MROH9: variants seen among roughly 807,000 people sequenced by gnomAD.
MROH9 encodes the protein maestro heat-like repeat-containing protein family member 9.
A neutral mutation model predicts 98.2 loss-of-function variants in MROH9; 92 were observed. The ratio of observed to expected loss-of-function variants is 0.94; its 90% CI spans 0.79 to 1.11. The LOEUF (loss-of-function observed/expected upper bound fraction) is 1.11. Ranked by LOEUF, MROH9 falls within the 50% of genes most tolerant of loss-of-function variation. The pLI is 0.00. For missense variants in MROH9, 1,057 were observed against 1,014.8 expected (o/e 1.04, Z -0.57); for synonymous variants, 397 against 368.9 (o/e 1.08, Z -0.87).
chr1:170,955,724 C>T (rs1051852861), intron 3 of MROH9, among the ~76,000 whole-genome samples: 1 of 152,022 alleles, frequency 6.6e-6, no homozygotes, highest in Non-Finnish European at 1.5e-5. Flanking sequence ...AGTTCTTTGT[C>T]AGATGTATAG....
intron 9 of MROH9, among the ~76,000 whole-genome samples, chr1:170,984,011 C>T (rs1217797057): frequency 6.6e-6 from 1 of 152,082 alleles, no homozygotes; most frequent in East Asian, 1.9e-4. Context: ...ACCTCAGTAC[C>T]AAGTAAGTAG....
chr1:171,036,528 G>C (rs1453298022), intron 20 of MROH9, among the ~76,000 whole-genome samples: 1 of 151,910 alleles, frequency 6.6e-6, no homozygotes, highest in South Asian at 2.1e-4. Flanking sequence ...CTATAAATCT[G>C]TAATACCATT....
rs946550989 is a variant in MROH9, at chr1:171,045,915, A to G, written c.2282-16217A>G. 2.6e-5 allele frequency among the ~76,000 whole-genome samples: 4 copies of G among 152,276 alleles called. No individual in the cohort carries two copies. The South Asian group carries it at 8.3e-4, about 32-fold the overall frequency. The stretch of plus-strand genomic sequence containing the variant: ...TGTTGAAGTCTCCAGTTATTATTAT[A>G]TTGAAGCCCATCTCTCTCTTTCACT... On this transcript the variant is annotated intron_variant, in intron 20 of 21. Coordinates refer to ENST00000367759, the MANE Select transcript of MROH9 (RefSeq NM_001163629.2).
chr1:170,965,610 G>A (rs1293574381), intron 7 of MROH9, among the ~76,000 whole-genome samples: 2 of 151,976 alleles, frequency 1.3e-5, no homozygotes, highest in East Asian at 3.9e-4. Flanking sequence ...TAATTTGAAA[G>A]CTGTTATTTA....
intron 3 of MROH9, among the ~76,000 whole-genome samples, chr1:170,951,735 T>C (rs1649559995): frequency 1.3e-5 from 2 of 152,104 alleles, no homozygotes; most frequent in African/African-American, 2.4e-5. Flanking sequence ...CTTCTCACTA[T>C]ATTAATAGCA....
Position 170,956,134 on chromosome 1 carries a change from G to T in MROH9, c.73-2327G>T, listed in dbSNP as rs1649748351. 2.0e-5 allele frequency among the ~76,000 whole-genome samples: 3 copies of T among 152,178 alleles called. No homozygotes were observed. In the South Asian group the frequency reaches 6.2e-4, roughly 32 times the overall value. ...AAAGATCAGTTGGCTGTAAGCATTT[G>T]GGTTTATTTCTGGATTCTCTATTCT... On this transcript the variant is annotated intron_variant, in intron 3 of 21. Coordinates refer to ENST00000367759, the MANE Select transcript of MROH9 (RefSeq NM_001163629.2).
chr1:171,063,203 A>G (rs1039670393), intron 21 of MROH9, among the ~76,000 whole-genome samples: 10 of 150,734 alleles, frequency 6.6e-5, no homozygotes, highest in Admixed American at 5.3e-4. Flanking sequence ...CTCACAGTCC[A>G]CTATCTGGAT....
At chr1:171,018,953 T>C (rs1001386192) in intron 17 of MROH9, among the ~76,000 whole-genome samples, 4 of 152,218 alleles carry the variant, frequency 2.6e-5, no homozygotes, top group African/African-American at 9.6e-5. Context: ...AACTCAGCTA[T>C]GGATCAAGTG....
chr1:171,022,936 G>A (rs964576209), intron 17 of MROH9, among the ~76,000 whole-genome samples: 81 of 152,314 alleles, frequency 5.3e-4, no homozygotes, highest in African/African-American at 1.9e-3. Flanking sequence ...CCAAGGTCAT[G>A]TATGTGATAA....
chr1:171,043,706 T>C (rs745914490), intron 20 of MROH9, among the ~76,000 whole-genome samples: 3 of 152,090 alleles, frequency 2.0e-5, no homozygotes, highest in Non-Finnish European at 2.9e-5. Flanking sequence ...CTTATTTGGT[T>C]AAATTAATTA....
At chr1:170,938,347 A>AC (rs1389990046) in intron 1 of MROH9, among the ~76,000 whole-genome samples, 2 of 152,138 alleles carry the variant, frequency 1.3e-5, no homozygotes, top group African/African-American at 4.8e-5. Context: ...CTCTATTTTC[A>AC]CCCCTTGATC....
At chr1:171,001,080 G>A (rs919772085) in intron 15 of MROH9, among the ~76,000 whole-genome samples, 1 of 151,970 alleles carries the variant, frequency 6.6e-6, no homozygotes, top group Non-Finnish European at 1.5e-5. Flanking sequence ...GGTGTCAGTT[G>A]TAATATCTCC....
In MROH9 at chr1:170,958,499, C is replaced by T. The variant is rs1434575677; in HGVS notation, c.111C>T (p.Gly37=). 9 of 1,595,152 alleles carry T rather than the reference C, an allele frequency of 5.6e-6. No homozygotes were observed. In the East Asian group the frequency reaches 1.8e-4, roughly 32 times the overall value. ...KVNSLLDAYS[G]LLSNESMILA... ...ACAGCCTATTGGATGCATACTCAGG[C>T]CTGTTAAGTAATGAATCCATGATCC... The change falls in exon 4 of 22, where the codon GGC becomes GGT. Residue 37 remains glycine (G), a synonymous_variant. Transcript: ENST00000367759.
rs539158626 is a variant in MROH9 at position 170,937,359 on chromosome 1, A to T, written c.-38+1772A>T. On this transcript the variant is annotated intron_variant, in intron 1 of 21. Transcript: ENST00000367759. Reference sequence around the variant, plus strand: ...TACTTAAATACTAGAATATGAAGTCATTGCATTTTGTATTATGTGATAAGA... The same window carrying T: ...TACTTAAATACTAGAATATGAAGTCTTTGCATTTTGTATTATGTGATAAGA... Among the ~76,000 whole-genome samples, 18 of 152,314 alleles carry T rather than the reference A, an allele frequency of 1.2e-4. No homozygotes were observed. In the South Asian group the frequency reaches 3.7e-3, roughly 32 times the overall value.
chr1:170,986,664 C>A lies in MROH9; in HGVS notation c.833C>A (p.Ser278Tyr). The A allele has an allele frequency of 6.2e-7, 1 of 1,613,896 alleles. No homozygotes were observed. The highest frequency in any genetic ancestry group is 8.5e-7 in the Non-Finnish European group (1 of 1,179,902). ...GATAAAATCGCATCTGATGCAGCAT[C>A]CATACTGATATTTACTCTGGAATTT... ...PDDKIASDAA[S>Y]ILIFTLEFHA... Residue 278 changes from serine to tyrosine, a missense_variant, in exon 10 of 22, where the codon TCC becomes TAC. Coordinates refer to ENST00000367759, the MANE Select transcript of MROH9 (RefSeq NM_001163629.2).
At chr1:171,030,769 T>C (rs945431486) in intron 20 of MROH9, among the ~76,000 whole-genome samples, 1 of 152,250 alleles carries the variant, frequency 6.6e-6, no homozygotes, top group Non-Finnish European at 1.5e-5. Context: ...TCTGTTGATT[T>C]GGGTTGGAGA....
At chr1:171,008,767 T>G (rs927037139) in intron 15 of MROH9, among the ~76,000 whole-genome samples, 1 of 152,144 alleles carries the variant, frequency 6.6e-6, no homozygotes, top group African/African-American at 2.4e-5. Flanking sequence ...ACCGTATCTC[T>G]TTTAAAAAAA....
chr1:170,962,446 C>A (rs1233015909), intron 6 of MROH9, among the ~76,000 whole-genome samples: 1 of 152,102 alleles, frequency 6.6e-6, no homozygotes, highest in African/African-American at 2.4e-5. Flanking sequence ...CCCTATTTTT[C>A]ACAACTGAGA....
At chr1:170,953,840 A>AG (rs1649654590) in intron 3 of MROH9, among the ~76,000 whole-genome samples, 1 of 147,780 alleles carries the variant, frequency 6.8e-6, no homozygotes, top group South Asian at 2.2e-4. Context: ...AAAGAAAGGA[A>AG]GGAAGGAAGA....
Sources: gnomAD v4.1 joint callset for allele counts (sites outside exome capture counted in the v4.1 genomes callset) on GRCh38, gnomAD v4.1.1 for gene constraint, MANE v1.5 for transcripts, NCBI Gene and HGNC (gene_info 2026-07-23, HGNC 2026-07-21) for gene names.